DNAH9: variants seen among roughly 807,000 people sequenced by gnomAD.
The protein encoded by DNAH9 is DNAH9 variant protein.
In DNAH9, 345 loss-of-function variants were observed where a neutral mutation model predicts 471.6. The observed-to-expected ratio is 0.73, with a 90% confidence interval of 0.67 to 0.80. The LOEUF is 0.80. DNAH9 is among the 30% of genes least tolerant of loss of function. DNAH9 has a pLI of 0.00. For missense variants in DNAH9, 5,407 were observed against 5,609.2 expected (o/e 0.96, Z 1.15); for synonymous variants, 2,093 against 2,123.6 (o/e 0.99, Z 0.40).
At chr17:11,859,000 C>T (rs1971726212) in intron 50 of DNAH9, among the ~76,000 whole-genome samples, 1 of 147,596 alleles carries the variant, frequency 6.8e-6, no homozygotes, top group African/African-American at 2.5e-5. Context: ...AAGAGAATCA[C>T]TTGAACCCAG....
intron 15 of DNAH9, among the ~76,000 whole-genome samples, chr17:11,667,820 T>A (rs1188601291): frequency 6.6e-6 from 1 of 152,194 alleles, no homozygotes; most frequent in East Asian, 1.9e-4. Flanking sequence ...GGCACCATCA[T>A]GTTGTCCTAC....
intron 48 of DNAH9, among the ~76,000 whole-genome samples, chr17:11,827,889 T>G (rs1338052181): frequency 6.6e-6 from 1 of 152,114 alleles, no homozygotes; most frequent in Non-Finnish European, 1.5e-5. Context: ...TTTCATCATA[T>G]TGGTCAGGCT....
At chr17:11,872,176 T>G (rs891994292) in intron 52 of DNAH9, among the ~76,000 whole-genome samples, 1 of 152,204 alleles carries the variant, frequency 6.6e-6, no homozygotes, top group Non-Finnish European at 1.5e-5. Context: ...TCCCAGATCC[T>G]ACATTGCACC....
intron 42 of DNAH9, among the ~76,000 whole-genome samples, chr17:11,795,137 A>T (rs1041275856): frequency 6.6e-6 from 1 of 152,200 alleles, no homozygotes; most frequent in Non-Finnish European, 1.5e-5. Flanking sequence ...TCTAATTCAC[A>T]TATCATTCCC....
rs763247358 is a variant in DNAH9, at chr17:11,854,264, A to T, written c.9769A>T (p.Thr3257Ser). 2.5e-6 allele frequency: 4 copies of T among 1,614,182 alleles called. No homozygotes were observed. The highest frequency in any genetic ancestry group is 3.3e-5 in the Admixed American group (2 of 60,014). ...CGAGTTCAATCCTGAGTTTGTGGCC[A>T]CCAAATCCTATGCGGCTGCAGGCCT... ...DPEFNPEFVA[T>S]KSYAAAGLCS... Residue 3257 changes from threonine to serine, a missense_variant, in exon 50 of 69, where the codon ACC (threonine) becomes TCC (serine). Physicochemically the swap from Thr to Ser is moderately conservative, Grantham distance 58. Transcript: ENST00000262442.
At chr17:11,764,859 C>G (rs1967864800) in intron 36 of DNAH9, among the ~76,000 whole-genome samples, 1 of 152,188 alleles carries the variant, frequency 6.6e-6, no homozygotes. Context: ...GCGATGGTTT[C>G]ACAAGTGTAT....
At chr17:11,614,135 A>G (rs1367109143) in intron 4 of DNAH9, among the ~76,000 whole-genome samples, 3 of 152,176 alleles carry the variant, frequency 2.0e-5, no homozygotes, top group Non-Finnish European at 4.4e-5. Flanking sequence ...TTAGGTAGAG[A>G]CTTGGTCAGA....
chr17:11,723,915 C>A (rs11650510), intron 27 of DNAH9, among the ~76,000 whole-genome samples: 13,227 of 152,076 alleles, frequency 0.087, 818 homozygotes, highest in Non-Finnish European at 0.11. Context: ...CCTTGTGATC[C>A]GCCCGCCTCA....
At chr17:11,830,170 G>A (rs1200633202) in intron 48 of DNAH9, among the ~76,000 whole-genome samples, 2 of 152,188 alleles carry the variant, frequency 1.3e-5, no homozygotes, top group African/African-American at 2.4e-5. Context: ...GTCAATGTCA[G>A]CTGAAGTCTC....
intron 45 of DNAH9, among the ~76,000 whole-genome samples, chr17:11,815,229 T>A (rs1286660500): frequency 6.6e-6 from 1 of 151,514 alleles, no homozygotes; most frequent in Non-Finnish European, 1.5e-5. Context: ...ACTGAAGTCC[T>A]ATACAAGTTA....
intron 36 of DNAH9, among the ~76,000 whole-genome samples, chr17:11,767,221 A>G (rs1017284726): frequency 1.3e-5 from 2 of 152,186 alleles, no homozygotes; most frequent in African/African-American, 4.8e-5. Context: ...CCTTCATCTC[A>G]GAGTTTCCAT....
At position 11,923,876 on chromosome 17, in the gene DNAH9, C is replaced by G; in HGVS notation, c.11812C>G (p.Gln3938Glu). The G allele has an allele frequency of 6.2e-7, 1 of 1,614,092 alleles. No homozygotes were observed. The highest frequency in any genetic ancestry group is 8.5e-7 in the Non-Finnish European group (1 of 1,179,992). ...TCACAACGTGTCTTTGGGGCAAGGA[C>G]AGGAAGTGGTGGCTGAGGCTGCGCT... Reference protein sequence around the residue: ...NFHNVSLGQGQEVVAEAALDL... With the variant: ...NFHNVSLGQGEEVVAEAALDL... The change falls in exon 62 of 69, where the codon CAG (glutamine) becomes GAG (glutamate). Residue 3938 changes from glutamine (Q) to glutamate (E), a missense_variant. Physicochemically the swap from Gln to Glu is conservative, Grantham distance 29. Transcript: ENST00000262442.
At chr17:11,806,853 T>G (rs1969705671) in intron 43 of DNAH9, among the ~76,000 whole-genome samples, 1 of 152,126 alleles carries the variant, frequency 6.6e-6, no homozygotes, top group African/African-American at 2.4e-5. Flanking sequence ...GGGTTCTTTT[T>G]ATAAAGGGTG....
rs1420528778 is a variant in DNAH9 at position 11,636,733 on chromosome 17, G to C, written c.1735G>C (p.Asp579His). ...VLIQMFNKDL[D>H]AVRMIYSQHV... ...CATCCAAATGTTCAACAAAGATCTG[G>C]ATGCAGTGAGGATGATCTACAGTCA... is the stretch of plus-strand genomic sequence containing the variant. Residue 579 changes from aspartate to histidine, a missense_variant, in exon 9 of 69, where the codon GAT (aspartate) becomes CAT (histidine). Asp to His is a moderately conservative substitution (Grantham distance 81). This residue lies in a region of DNAH9 where 4,636 missense variants were observed against 4,900.3 expected (regional missense o/e 0.95). Coordinates refer to ENST00000262442, the MANE Select transcript of DNAH9 (RefSeq NM_001372.4). 1.2e-6 allele frequency: 2 copies of C among 1,613,996 alleles called. No individual in the cohort carries two copies. Among genetic ancestry groups the C allele is most frequent in the East Asian group, 2.2e-5 (1 of 44,894 alleles).
chr17:11,669,779 A>G lies in DNAH9; in HGVS notation c.3338A>G (p.Asp1113Gly). ...CTCCTGTTCAAACAGCATCTTGTGG[A>G]CCACGTCACTCACAGGTACAACAGT... ...WSLLFKQHLV[D>G]HVTHSLANLD... Residue 1113 changes from aspartate (D) to glycine (G), a missense_variant, in exon 17 of 69, where the codon GAC (aspartate) becomes GGC (glycine). Coordinates refer to ENST00000262442, the MANE Select transcript of DNAH9 (RefSeq NM_001372.4). The G allele has an allele frequency of 6.2e-7, 1 of 1,613,862 alleles. No individual in the cohort carries two copies. The highest frequency in any genetic ancestry group is 2.2e-5 in the East Asian group (1 of 44,880).
chr17:11,929,024 C>CTTTTTTT (rs71142254), intron 62 of DNAH9, among the ~76,000 whole-genome samples: 37 of 102,920 alleles, frequency 3.6e-4, no homozygotes, highest in African/African-American at 6.3e-4. Context: ...GTGTTACAGC[C>CTTTTTTT]TTTTTTTTTT....
chr17:11,737,355 A>G (rs1447479414), intron 28 of DNAH9, among the ~76,000 whole-genome samples: 1 of 121,328 alleles, frequency 8.2e-6, no homozygotes, highest in African/African-American at 3.2e-5. Context: ...TTTCACACAC[A>G]CAACCCTACA....
At chr17:11,863,286 T>G (rs1386036804) in intron 50 of DNAH9, among the ~76,000 whole-genome samples, 1 of 152,118 alleles carries the variant, frequency 6.6e-6, no homozygotes, top group Non-Finnish European at 1.5e-5. Context: ...AATCATGTGG[T>G]TTTTGTCTTT....
At chr17:11,600,060 C>G (rs2072352369) in intron 1 of DNAH9, among the ~76,000 whole-genome samples, 1 of 151,944 alleles carries the variant, frequency 6.6e-6, no homozygotes, top group African/African-American at 2.4e-5. Context: ...GGTGAAAATT[C>G]CAGGGAAAGG....
Sources: gnomAD v4.1 joint callset for allele counts (sites outside exome capture counted in the v4.1 genomes callset) on GRCh38, gnomAD v4.1.1 for gene constraint, gnomAD v4.1.1 regional missense constraint, MANE v1.5 for transcripts, NCBI Gene and HGNC (gene_info 2026-07-23, HGNC 2026-07-21) for gene names.